The following KATNAL2 variants were observed in gnomAD, a reference collection of about 807,000 sequenced individuals.
KATNAL2 encodes katanin catalytic subunit A1 like 2, also known as katanin p60 ATPase-containing subunit A-like 2.
In KATNAL2, 52 loss-of-function variants were observed where a neutral mutation model predicts 76.3. The ratio of observed to expected loss-of-function variants is 0.68; its 90% CI spans 0.55 to 0.86. The LOEUF is 0.86. KATNAL2 is among the 40% of genes least tolerant of loss of function. KATNAL2 has a pLI of 0.00. For missense variants in KATNAL2, 660 were observed against 668.9 expected (o/e 0.99, Z 0.15); for synonymous variants, 243 against 244.2 (o/e 1.00, Z 0.05).
chr18:47,045,417 C>T (rs2061126747), intron 3 of KATNAL2, among the ~76,000 whole-genome samples: 1 of 151,406 alleles, frequency 6.6e-6, no homozygotes, highest in African/African-American at 2.4e-5. Flanking sequence ...CCTCTGCCTT[C>T]CAGGTTCAAG....
At chr18:47,054,074 A>T (rs914470945) in intron 5 of KATNAL2, among the ~76,000 whole-genome samples, 2 of 152,214 alleles carry the variant, frequency 1.3e-5, no homozygotes, top group African/African-American at 4.8e-5. Context: ...AATGGTGTCA[A>T]GTTCATGAAA....
In KATNAL2 at chr18:47,045,384, G is replaced by A. The variant is rs2061125636; in HGVS notation, c.52-1073G>A. Among the ~76,000 whole-genome samples, 5 of 149,348 alleles carry A rather than the reference G, an allele frequency of 3.3e-5. 1 individual carries two copies. The South Asian group carries it at 1.1e-3, about 32-fold the overall frequency. ...TCTGTCACCCAGCTTGGAGTGCAGT[G>A]GCAAGATCTTGGCTCACTGCAACCT... On this transcript the variant is annotated intron_variant, in intron 3 of 17. Transcript: ENST00000683218.
intron 3 of KATNAL2, chr18:47,034,786 A>G (rs151287064): frequency 3.1e-6 from 5 of 1,612,316 alleles, no homozygotes; most frequent in African/African-American, 1.3e-5. Context: ...AGCTGGGGCT[A>G]TTCTGGGGCA....
intron 3 of KATNAL2, among the ~76,000 whole-genome samples, chr18:47,045,534 G>A (rs1367501595): frequency 1.3e-5 from 2 of 152,078 alleles, no homozygotes; most frequent in Non-Finnish European, 2.9e-5. Context: ...TGTTGGCCAG[G>A]CTGGTCTCAA....
intron 11 of KATNAL2, among the ~76,000 whole-genome samples, chr18:47,068,809 C>A (rs1051623207): frequency 3.3e-5 from 5 of 152,178 alleles, no homozygotes; most frequent in Non-Finnish European, 7.4e-5. Context: ...TTCGAATAAA[C>A]CTTTACTAAT....
At position 47,063,051 on chromosome 18, in the gene KATNAL2, A is replaced by T. The variant is rs774383838; in HGVS notation, c.629A>T (p.Asp210Val). 4 of 1,614,066 alleles carry T rather than the reference A, an allele frequency of 2.5e-6. No individual in the cohort carries two copies. The South Asian group carries it at 3.3e-5, about 13-fold the overall frequency. Residue 210 changes from aspartate (D) to valine (V), a missense_variant, in exon 9 of 18, where the codon GAC becomes GTC. Coordinates refer to ENST00000683218, the MANE Select transcript of KATNAL2 (RefSeq NM_001387690.1). ...AGTGAACTTGCCTTGAACACCTTCG[A>T]CCATAATCCAGACCCCTCAGTAAGT... Reference protein sequence around the residue: ...ATSELALNTFDHNPDPSERLL... With the variant: ...ATSELALNTFVHNPDPSERLL...
intron 7 of KATNAL2, 50 bp downstream of exon 7, chr18:47,058,402 T>C (rs2061532490): frequency 9.6e-7 from 1 of 1,039,124 alleles, no homozygotes; most frequent in Non-Finnish European, 1.5e-6. Flanking sequence ...GGCTGAAAAA[T>C]AGCCCTATGA....
At chr18:47,040,152 C>A (rs939019458) in intron 3 of KATNAL2, among the ~76,000 whole-genome samples, 6 of 152,178 alleles carry the variant, frequency 3.9e-5, no homozygotes, top group African/African-American at 1.4e-4. Flanking sequence ...GGTGACTAAC[C>A]TTTTGAAGGA....
intron 10 of KATNAL2, 95 bp from the exon 11 acceptor site, chr18:47,066,926 T>G (rs2061833015): frequency 2.8e-6 from 1 of 357,322 alleles, no homozygotes; most frequent in African/African-American, 2.2e-5. Context: ...GCACTTTATA[T>G]CCTATTGTAA....
chr18:47,035,590 C>G (rs1470161117), intron 3 of KATNAL2: 2 of 538,600 alleles, frequency 3.7e-6, no homozygotes, highest in Non-Finnish European at 6.8e-6. Flanking sequence ...CCATCCCAGG[C>G]TGACACTCAC....
intron 3 of KATNAL2, among the ~76,000 whole-genome samples, chr18:46,958,534 T>TC (rs1569021598): frequency 6.6e-6 from 1 of 152,350 alleles, no homozygotes; most frequent in East Asian, 1.9e-4. Context: ...GAGCTGTGAC[T>TC]AACACAGATT....
intron 6 of KATNAL2, among the ~76,000 whole-genome samples, chr18:47,057,563 C>G (rs1326326006): frequency 6.6e-6 from 1 of 152,202 alleles, no homozygotes; most frequent in Non-Finnish European, 1.5e-5. Flanking sequence ...AAATTCTCCC[C>G]ATCTCCATCA....
intron 3 of KATNAL2, chr18:47,033,347 T>C: frequency 6.2e-7 from 1 of 1,614,078 alleles, no homozygotes; most frequent in Non-Finnish European, 8.5e-7. Flanking sequence ...CAGATCATCT[T>C]TGCCTCTCTG....
chr18:47,042,477 A>G (rs1228977372), intron 3 of KATNAL2, among the ~76,000 whole-genome samples: 1 of 152,216 alleles, frequency 6.6e-6, no homozygotes, highest in Non-Finnish European at 1.5e-5. Flanking sequence ...TTACCTGCCT[A>G]CTTACATTGC....
chr18:47,064,895 G>A (rs1316412944), intron 10 of KATNAL2, among the ~76,000 whole-genome samples: 1 of 152,092 alleles, frequency 6.6e-6, no homozygotes, highest in Non-Finnish European at 1.5e-5. Flanking sequence ...CTGTCAGTTG[G>A]GAAATTAAAC....
chr18:46,930,734 G>T (rs1302687064), intron 1 of KATNAL2, among the ~76,000 whole-genome samples: 1 of 151,960 alleles, frequency 6.6e-6, no homozygotes, highest in Non-Finnish European at 1.5e-5. Flanking sequence ...AGGATTGCTT[G>T]AACCTGGGAG....
At chr18:47,050,667 T>C (rs1040880458) in intron 4 of KATNAL2, among the ~76,000 whole-genome samples, 2 of 152,152 alleles carry the variant, frequency 1.3e-5, no homozygotes, top group African/African-American at 4.8e-5. Flanking sequence ...GAGTGGACTG[T>C]CAAAACGAAA....
chr18:47,076,209 A>T (rs758873116), intron 14 of KATNAL2: 1 of 152,246 alleles, frequency 6.6e-6, no homozygotes, highest in Non-Finnish European at 1.5e-5. Context: ...TAACTATAAT[A>T]TAATTTATGA....
At chr18:46,931,467 C>T (rs1291548052) in intron 1 of KATNAL2, among the ~76,000 whole-genome samples, 1 of 151,948 alleles carries the variant, frequency 6.6e-6, no homozygotes, top group Non-Finnish European at 1.5e-5. Context: ...GCCTGGCCAA[C>T]ATGGTGAAAC....
Sources: gnomAD v4.1 joint callset for allele counts (sites outside exome capture counted in the v4.1 genomes callset) on GRCh38, gnomAD v4.1.1 for gene constraint, MANE v1.5 for transcripts, NCBI Gene and HGNC (gene_info 2026-07-23, HGNC 2026-07-21) for gene names.